RIT2: variants seen among roughly 807,000 people sequenced by gnomAD.
RIT2 encodes Ras like without CAAX 2.
A neutral mutation model predicts 23.7 loss-of-function variants in RIT2; 24 were observed. The ratio of observed to expected loss-of-function variants is 1.01; its 90% CI spans 0.73 to 1.43. The LOEUF (loss-of-function observed/expected upper bound fraction) is 1.43, where lower values mean the gene tolerates loss of function less well. Among genes scored for constraint, RIT2 ranks in the 40% most tolerant of loss-of-function variants. RIT2 has a pLI of 0.00. For synonymous variants in RIT2, 107 were observed against 91.1 expected (o/e 1.17, Z -0.99); for missense variants, 236 against 266.9 (o/e 0.88, Z 0.81).
intron 1 of RIT2, among the ~76,000 whole-genome samples, chr18:43,097,262 A>G (rs1250562683): frequency 6.6e-6 from 1 of 151,904 alleles, no homozygotes; most frequent in Non-Finnish European, 1.5e-5. Flanking sequence ...AGGACCAGGG[A>G]GCGACAATTT....
At chr18:42,811,622 C>A (rs576742587) in intron 4 of RIT2, among the ~76,000 whole-genome samples, 1 of 152,066 alleles carries the variant, frequency 6.6e-6, no homozygotes, top group South Asian at 2.1e-4. Flanking sequence ...TATCTAATAA[C>A]TAAAAATAAA....
At chr18:42,931,720 G>T (rs1909330706) in intron 3 of RIT2, among the ~76,000 whole-genome samples, 1 of 152,126 alleles carries the variant, frequency 6.6e-6, no homozygotes, top group Admixed American at 6.6e-5. Flanking sequence ...AAAACCTACA[G>T]GAATGTGTCT....
At chr18:42,919,450 A>G (rs1205741555) in intron 4 of RIT2, among the ~76,000 whole-genome samples, 2 of 152,122 alleles carry the variant, frequency 1.3e-5, no homozygotes, top group Non-Finnish European at 2.9e-5. Context: ...GCAGTAGCTT[A>G]TGCCTGTAAT....
chr18:42,920,862 T>C (rs932327537), intron 4 of RIT2: 5 of 807,624 alleles, frequency 6.2e-6, no homozygotes, highest in Non-Finnish European at 1.0e-5. Context: ...TTTAACTTTA[T>C]CACTCTAGGA....
intron 1 of RIT2, among the ~76,000 whole-genome samples, chr18:43,041,175 T>A (rs1337329369): frequency 1.3e-5 from 2 of 152,140 alleles, no homozygotes; most frequent in Admixed American, 6.5e-5. Context: ...TTTATGCACA[T>A]AAACGCTTCT....
At chr18:42,846,818 C>A (rs1906922293) in intron 4 of RIT2, among the ~76,000 whole-genome samples, 1 of 152,202 alleles carries the variant, frequency 6.6e-6, no homozygotes, top group Admixed American at 6.5e-5. Flanking sequence ...CCAGAGCAAA[C>A]ATCATACTTC....
At chr18:43,095,630 C>T (rs1382723049) in intron 1 of RIT2, among the ~76,000 whole-genome samples, 4 of 151,840 alleles carry the variant, frequency 2.6e-5, no homozygotes, top group Non-Finnish European at 4.4e-5. Flanking sequence ...ATTTTAAATT[C>T]AATGTAATCA....
chr18:42,867,850 T>C (rs866033329), intron 4 of RIT2, among the ~76,000 whole-genome samples: 1 of 152,152 alleles, frequency 6.6e-6, no homozygotes. Context: ...AATTTCAGTA[T>C]ACTAGAATGA....
intron 1 of RIT2, among the ~76,000 whole-genome samples, chr18:43,104,121 C>A (rs1913753068): frequency 6.6e-6 from 1 of 152,132 alleles, no homozygotes; most frequent in Non-Finnish European, 1.5e-5. Context: ...AGAATGAAAT[C>A]CTGTCATTTG....
chr18:42,993,806 G>A (rs895466915), intron 2 of RIT2, among the ~76,000 whole-genome samples: 35 of 151,938 alleles, frequency 2.3e-4, no homozygotes, highest in African/African-American at 8.0e-4. Flanking sequence ...CTTGGCGATC[G>A]ATCATGCACC....
intron 1 of RIT2, among the ~76,000 whole-genome samples, chr18:43,055,123 C>T (rs569938043): frequency 5.4e-4 from 82 of 152,156 alleles, no homozygotes; most frequent in Non-Finnish European, 6.8e-4. Context: ...GAAAATATGG[C>T]CATAGAATAA....
chr18:43,038,791 G>T (rs376258584), intron 1 of RIT2, among the ~76,000 whole-genome samples: 1 of 152,062 alleles, frequency 6.6e-6, no homozygotes, highest in African/African-American at 2.4e-5. Context: ...TCTTCTTAGG[G>T]TAGTTTTGTA....
At chr18:42,883,071 A>G (rs1907934754) in intron 4 of RIT2, among the ~76,000 whole-genome samples, 1 of 152,168 alleles carries the variant, frequency 6.6e-6, no homozygotes, top group Non-Finnish European at 1.5e-5. Flanking sequence ...CGAGTTACAA[A>G]ATAAAAACTC....
intron 4 of RIT2, among the ~76,000 whole-genome samples, chr18:42,901,323 A>G (rs1226764380): frequency 2.0e-5 from 3 of 151,988 alleles, no homozygotes; most frequent in African/African-American, 7.2e-5. Flanking sequence ...ACTAGCGATG[A>G]TTTTATGGAA....
At chr18:42,963,391 A>G (rs934158284) in intron 3 of RIT2, among the ~76,000 whole-genome samples, 3 of 152,234 alleles carry the variant, frequency 2.0e-5, no homozygotes, top group East Asian at 3.9e-4. Context: ...ATGAGGGGTC[A>G]AGACAATATT....
chr18:42,756,334 G>A (rs931517540), intron 4 of RIT2, among the ~76,000 whole-genome samples: 4 of 152,094 alleles, frequency 2.6e-5, no homozygotes, highest in Non-Finnish European at 4.4e-5. Context: ...GTAGCCAGTC[G>A]TTCTGAGACA....
intron 1 of RIT2, among the ~76,000 whole-genome samples, chr18:43,091,301 G>C (rs980565019): frequency 6.6e-6 from 1 of 152,014 alleles, no homozygotes; most frequent in African/African-American, 2.4e-5. Context: ...TTCACTTGTA[G>C]AGATTAGACA....
At chr18:42,916,895 G>A (rs898975269) in intron 4 of RIT2, among the ~76,000 whole-genome samples, 2 of 152,134 alleles carry the variant, frequency 1.3e-5, no homozygotes, top group African/African-American at 2.4e-5. Flanking sequence ...GTTGAGCAGA[G>A]GGAGAAGTTG....
intron 4 of RIT2, among the ~76,000 whole-genome samples, chr18:42,831,848 C>T (rs1217034335): frequency 6.6e-6 from 1 of 152,156 alleles, no homozygotes; most frequent in East Asian, 1.9e-4. Context: ...ATCATAATCA[C>T]CTGAGTGATT....
Sources: gnomAD v4.1 joint callset for allele counts (sites outside exome capture counted in the v4.1 genomes callset) on GRCh38, gnomAD v4.1.1 for gene constraint, MANE v1.5 for transcripts, NCBI Gene and HGNC (gene_info 2026-07-23, HGNC 2026-07-21) for gene names.